Variants in CTNNA3 observed in about 807,000 individuals in gnomAD.
The protein encoded by CTNNA3 is catenin alpha-3.
Under a neutral mutation model 95.7 loss-of-function variants are expected in CTNNA3, and 76 were observed. That is an observed-to-expected ratio of 0.79 (90% CI 0.66 to 0.96). The LOEUF (loss-of-function observed/expected upper bound fraction) is 0.96, where lower values mean the gene tolerates loss of function less well. Ranked by LOEUF, CTNNA3 falls within the 40% of genes least tolerant of loss-of-function variation. The pLI is 0.00. For synonymous variants in CTNNA3, 431 were observed against 374.4 expected (o/e 1.15, Z -1.74); for missense variants, 1,191 against 1,089.8 (o/e 1.09, Z -1.31).
intron 7 of CTNNA3, among the ~76,000 whole-genome samples, chr10:66,974,302 A>C (rs1231718643): frequency 6.6e-6 from 1 of 152,188 alleles, no homozygotes; most frequent in Non-Finnish European, 1.5e-5. Context: ...AGAAGAAAGG[A>C]GTAATCTAAA....
chr10:67,331,002 C>T (rs1278621607), intron 5 of CTNNA3, among the ~76,000 whole-genome samples: 1 of 152,172 alleles, frequency 6.6e-6, no homozygotes, highest in African/African-American at 2.4e-5. Flanking sequence ...ATACTTTAAA[C>T]CACAAATCAA....
At chr10:67,554,076 A>G (rs1276604746) in intron 3 of CTNNA3, among the ~76,000 whole-genome samples, 1 of 152,224 alleles carries the variant, frequency 6.6e-6, no homozygotes, top group African/African-American at 2.4e-5. Context: ...ATGTCCCTAC[A>G]AAGGACATCA....
chr10:67,161,512 TA>T (rs1861549760), intron 7 of CTNNA3, among the ~76,000 whole-genome samples: 1 of 151,716 alleles, frequency 6.6e-6, no homozygotes, highest in Non-Finnish European at 1.5e-5. Flanking sequence ...GATAAACTAC[TA>T]AAATAGCTAT....
chr10:66,926,519 T>A, intron 7 of CTNNA3: 1 of 1,581,614 alleles, frequency 6.3e-7, no homozygotes, highest in Non-Finnish European at 8.7e-7. Context: ...TGACAGGGGC[T>A]GTCATGCAAC....
chr10:67,441,107 A>G, intron 5 of CTNNA3, among the ~76,000 whole-genome samples: 1 of 152,150 alleles, frequency 6.6e-6, no homozygotes, highest in Admixed American at 6.5e-5. Flanking sequence ...AAGAGATTTA[A>G]ATAATAAAAA....
chr10:67,718,727 G>A (rs1387560901), intron 1 of CTNNA3, among the ~76,000 whole-genome samples: 9 of 152,056 alleles, frequency 5.9e-5, no homozygotes, highest in East Asian at 3.9e-4. Context: ...GAGGGTTTTC[G>A]CATCGATGTT....
chr10:66,391,043 T>C (rs1564921601), intron 11 of CTNNA3, among the ~76,000 whole-genome samples: 1 of 152,038 alleles, frequency 6.6e-6, no homozygotes, highest in East Asian at 1.9e-4. Flanking sequence ...TTATTGTCTT[T>C]TATTCCGCCC....
At chr10:67,407,870 G>T (rs1196397401) in intron 5 of CTNNA3, among the ~76,000 whole-genome samples, 1 of 152,140 alleles carries the variant, frequency 6.6e-6, no homozygotes, top group Non-Finnish European at 1.5e-5. Flanking sequence ...GGAAGTGAAG[G>T]ACCTCTTTGA....
chr10:67,226,595 CA>C (rs1473688656), intron 5 of CTNNA3, among the ~76,000 whole-genome samples: 1 of 152,202 alleles, frequency 6.6e-6, no homozygotes, highest in Non-Finnish European at 1.5e-5. Flanking sequence ...AAACAATTAT[CA>C]GCCAAGAATT....
chr10:65,985,323 G>A (rs1480448109), intron 16 of CTNNA3, among the ~76,000 whole-genome samples: 1 of 150,828 alleles, frequency 6.6e-6, no homozygotes, highest in African/African-American at 2.4e-5. Flanking sequence ...TAATATAAAA[G>A]CCATGAAATA....
chr10:66,947,823 A>G (rs1036428969), intron 7 of CTNNA3, among the ~76,000 whole-genome samples: 2 of 152,230 alleles, frequency 1.3e-5, no homozygotes, highest in Non-Finnish European at 2.9e-5. Flanking sequence ...AGGAAAATGC[A>G]GTCATGTGGC....
intron 8 of CTNNA3, 25 bp downstream of exon 8, chr10:66,775,419 A>T (rs1840254410): frequency 5.3e-6 from 8 of 1,503,750 alleles, no homozygotes; most frequent in Non-Finnish European, 7.3e-6. Context: ...TATGTTTCTG[A>T]CTCCATATCT....
rs574148857 is a variant in CTNNA3 at position 66,977,137 on chromosome 10, G to A, written c.1048-201613C>T. ...AAGATTTGTTTAAAGGACCTATAAT[G>A]GGTAGAATATATAAAGGTTGGCCGG... On this transcript the variant is annotated intron_variant, in intron 7 of 17. Transcript: ENST00000433211. Among the ~76,000 whole-genome samples the A allele has an allele frequency of 2.5e-4, 38 of 152,112 alleles. No homozygotes were observed. The South Asian group carries it at 7.9e-3, about 32-fold the overall frequency.
chr10:67,388,590 C>T (rs1229646920), intron 5 of CTNNA3, among the ~76,000 whole-genome samples: 2 of 146,550 alleles, frequency 1.4e-5, no homozygotes, highest in East Asian at 4.0e-4. Context: ...AGAAGAGCAA[C>T]TCCAAGACAC....
intron 13 of CTNNA3, among the ~76,000 whole-genome samples, chr10:66,242,372 T>C (rs1260514018): frequency 6.6e-6 from 1 of 152,002 alleles, no homozygotes; most frequent in Non-Finnish European, 1.5e-5. Flanking sequence ...AAAGACACCA[T>C]TAAGAAAATG....
intron 9 of CTNNA3, among the ~76,000 whole-genome samples, chr10:66,643,301 T>C (rs534484346): frequency 2.0e-5 from 3 of 152,286 alleles, no homozygotes; most frequent in African/African-American, 7.2e-5. Context: ...ATGTATCTTG[T>C]ACATGAAAAT....
At chr10:67,686,681 G>A (rs962569893) in intron 1 of CTNNA3, among the ~76,000 whole-genome samples, 52 of 152,110 alleles carry the variant, frequency 3.4e-4, no homozygotes, top group African/African-American at 1.2e-3. Flanking sequence ...ACAACTACCT[G>A]TAAACAGTGA....
chr10:66,521,012 T>C (rs41315004), intron 10 of CTNNA3, among the ~76,000 whole-genome samples: 2,461 of 151,504 alleles, frequency 0.016, 48 homozygotes, highest in African/African-American at 0.046. Context: ...TCTGTAAAGA[T>C]GTAGAACATT....
At chr10:66,758,149 G>A (rs1024009317) in intron 9 of CTNNA3, among the ~76,000 whole-genome samples, 103 of 152,108 alleles carry the variant, frequency 6.8e-4, no homozygotes, top group African/African-American at 2.4e-3. Context: ...TTACCTACAT[G>A]TATGAAACAA....
Sources: gnomAD v4.1 joint callset for allele counts (sites outside exome capture counted in the v4.1 genomes callset) on GRCh38, gnomAD v4.1.1 for gene constraint, MANE v1.5 for transcripts, NCBI Gene and HGNC (gene_info 2026-07-23, HGNC 2026-07-21) for gene names.